Variants in PCDHA10 observed in about 807,000 individuals in gnomAD.
PCDHA10 encodes protocadherin alpha-10.
Under a neutral mutation model 61.2 loss-of-function variants are expected in PCDHA10, and 45 were observed. That is an observed-to-expected ratio of 0.74 (90% confidence interval 0.58 to 0.94). The LOEUF (loss-of-function observed/expected upper bound fraction) is 0.94, where lower values mean the gene tolerates loss of function less well. PCDHA10 is among the 40% of genes least tolerant of loss of function. The pLI, the probability that PCDHA10 is intolerant of heterozygous loss-of-function variation, is 0.00. For missense variants in PCDHA10, 1,278 were observed against 1,236.2 expected (o/e 1.03, Z -0.51); for synonymous variants, 602 against 548.8 (o/e 1.10, Z -1.35).
At chr5:140,875,373 A>G in intron 1 of PCDHA10, 7 of 1,454,810 alleles carry the variant, frequency 4.8e-6, no homozygotes, top group Non-Finnish European at 6.3e-6. Flanking sequence ...AAAATTTACT[A>G]AATATGTACT....
chr5:140,884,579 G>A (rs1035826331), intron 1 of PCDHA10: 5 of 1,614,058 alleles, frequency 3.1e-6, no homozygotes, highest in Admixed American at 1.7e-5. Flanking sequence ...GGACCTCATG[G>A]CCTTCAGTCC....
At chr5:140,937,718 C>T (rs538350541) in intron 1 of PCDHA10, among the ~76,000 whole-genome samples, 1 of 152,076 alleles carries the variant, frequency 6.6e-6, no homozygotes, top group South Asian at 2.1e-4. Context: ...CAAGACCATC[C>T]TGGCTAACAC....
At chr5:140,887,130 T>C (rs1164233833) in intron 1 of PCDHA10, among the ~76,000 whole-genome samples, 1 of 151,716 alleles carries the variant, frequency 6.6e-6, no homozygotes, top group African/African-American at 2.4e-5. Context: ...GGAGTCTCAC[T>C]CTGTCGCCCA....
chr5:140,943,640 A>G (rs1288085106), intron 1 of PCDHA10, among the ~76,000 whole-genome samples: 1 of 152,224 alleles, frequency 6.6e-6, no homozygotes, highest in African/African-American at 2.4e-5. Context: ...TGGATTATGG[A>G]TAAAACCATC....
At chr5:140,888,870 A>G (rs2062015576) in intron 1 of PCDHA10, among the ~76,000 whole-genome samples, 1 of 152,158 alleles carries the variant, frequency 6.6e-6, no homozygotes, top group Non-Finnish European at 1.5e-5. Flanking sequence ...ATGTCTCAAC[A>G]TAAAAATTAA....
intron 1 of PCDHA10, chr5:140,928,374 C>T (rs782659188): frequency 6.2e-7 from 1 of 1,614,172 alleles, no homozygotes; most frequent in Non-Finnish European, 8.5e-7. Flanking sequence ...GGCCATCAGC[C>T]TCTAGCTTGC....
chr5:141,006,872 G>T (rs1211849672), intron 3 of PCDHA10, among the ~76,000 whole-genome samples: 1 of 152,144 alleles, frequency 6.6e-6, no homozygotes, highest in Non-Finnish European at 1.5e-5. Flanking sequence ...ATAGATTCGA[G>T]GAATCAAGAG....
rs189065461 is a variant in PCDHA10, at chr5:140,869,908, C to A, written c.2388+11472C>A. ...TGTGCTCAAACTAAACGCCACAGACCGAGACGAAGGAGTCAATGGAGAGGT... is the reference window on the plus strand; with the variant it reads ...TGTGCTCAAACTAAACGCCACAGACAGAGACGAAGGAGTCAATGGAGAGGT... On this transcript the variant is annotated intron_variant, in intron 1 of 3. Coordinates refer to ENST00000307360, the MANE Select transcript of PCDHA10 (RefSeq NM_018901.4). 6.2e-6 allele frequency: 10 copies of A among 1,610,646 alleles called. No homozygotes were observed. In the Admixed American group the frequency reaches 6.7e-5, roughly 11 times the overall value.
chr5:140,868,327 T>C (rs1554161889), intron 1 of PCDHA10: 1 of 152,138 alleles, frequency 6.6e-6, no homozygotes, highest in Non-Finnish European at 1.5e-5. Context: ...CTGCAATGAA[T>C]ATAAAGTCAC....
chr5:140,857,915 G>C lies in PCDHA10; in HGVS notation c.1867G>C (p.Val623Leu). Residue 623 changes from valine (V) to leucine (L), a missense_variant, in exon 1 of 4, where the codon GTG becomes CTG. Physicochemically the swap from Val to Leu is conservative, Grantham distance 32. Coordinates refer to ENST00000307360, the MANE Select transcript of PCDHA10 (RefSeq NM_018901.4). ...AAVGARIPFR[V>L]GLYTGEISTT... Reference sequence around the variant, plus strand: ...GGTTGGTGCACGCATCCCGTTTCGCGTGGGGCTGTACACGGGCGAGATCAG... The same window carrying C: ...GGTTGGTGCACGCATCCCGTTTCGCCTGGGGCTGTACACGGGCGAGATCAG... The C allele has an allele frequency of 2.5e-6, 4 of 1,597,912 alleles. No individual in the cohort carries two copies. Among genetic ancestry groups the C allele is most frequent in the Non-Finnish European group, 3.4e-6 (4 of 1,167,584 alleles).
At chr5:140,884,496 G>T (rs782182672) in intron 1 of PCDHA10, 1 of 1,614,094 alleles carries the variant, frequency 6.2e-7, no homozygotes, top group Non-Finnish European at 8.5e-7. Flanking sequence ...GTGTGCTCCA[G>T]CGCGGCAGGG....
Position 140,982,348 on chromosome 5 carries a change from T to C in PCDHA10, c.2448-127T>C, listed in dbSNP as rs1253085859. 9 of 1,495,962 alleles carry C rather than the reference T, an allele frequency of 6.0e-6. No homozygotes were observed. The Admixed American group carries it at 1.7e-4, about 28-fold the overall frequency. 92.7% of individuals were successfully genotyped at this position (1,495,962 alleles called of 1,614,324 possible). On this transcript the variant is annotated intron_variant, in intron 2 of 3. Transcript: ENST00000307360. Reference sequence around the variant, plus strand: ...ACTGCTCAGCAGTAATTGCTTCAGTTCAAGCATGAGCAGAATGTGTTAGCT... The same window carrying C: ...ACTGCTCAGCAGTAATTGCTTCAGTCCAAGCATGAGCAGAATGTGTTAGCT...
chr5:140,977,247 A>G (rs528974727), intron 1 of PCDHA10, among the ~76,000 whole-genome samples: 1 of 152,336 alleles, frequency 6.6e-6, no homozygotes, highest in African/African-American at 2.4e-5. Context: ...AATTGGCAAC[A>G]TTTCTCAGCA....
chr5:140,982,153 C>T (rs990862287), intron 2 of PCDHA10, among the ~76,000 whole-genome samples: 1 of 152,162 alleles, frequency 6.6e-6, no homozygotes, highest in Non-Finnish European at 1.5e-5. Flanking sequence ...GCTTCAGTAT[C>T]GAGATGTTAA....
chr5:140,927,226 A>G, intron 1 of PCDHA10: 4 of 1,613,996 alleles, frequency 2.5e-6, no homozygotes, highest in Non-Finnish European at 3.4e-6. Context: ...CAAGATTCGG[A>G]TTCACGTCCT....
rs199814121 is a variant in PCDHA10, at chr5:140,884,467, G to T, written c.2388+26031G>T. 3.9e-5 allele frequency: 63 copies of T among 1,613,778 alleles called. No individual in the cohort carries two copies. In the East Asian group the frequency reaches 1.3e-3, roughly 33 times the overall value. The stretch of plus-strand genomic sequence containing the variant: ...CACCGCCCACCGAGGGCGCGTGCGC[G>T]CCGGGCAAGCCCACTCTAGTGTGCT... On this transcript the variant is annotated intron_variant, in intron 1 of 3. Transcript: ENST00000307360.
In PCDHA10 at chr5:140,993,861, T is replaced by G. The variant is rs143253452; in HGVS notation, c.2536+11298T>G. 3.2e-4 allele frequency among the ~76,000 whole-genome samples: 49 copies of G among 152,356 alleles called. No homozygotes were observed. In the East Asian group the frequency reaches 9.4e-3, roughly 29 times the overall value. On this transcript the variant is annotated intron_variant, in intron 3 of 3. Transcript: ENST00000307360. ...TAGGTATGTAGTAGGCTATGCCATC[T>G]AGGTTTGTGTAAGTACGCTCTATGA... is the stretch of plus-strand genomic sequence containing the variant.
rs1554228541 is a variant in PCDHA10 at position 140,966,673 on chromosome 5, T to C, written c.2389-12276T>C. 2.3e-6 allele frequency: 3 copies of C among 1,290,056 alleles called. No homozygotes were observed. The African/African-American group carries it at 4.7e-5, about 20-fold the overall frequency. The allele number at this position is 1,290,056 out of a possible 1,614,324, so 79.9% of individuals were successfully genotyped here. A position where few individuals can be genotyped will look rare whatever the true frequency, so the allele number is the denominator to read the frequency against. On this transcript the variant is annotated intron_variant, in intron 1 of 3. Coordinates refer to ENST00000307360, the MANE Select transcript of PCDHA10 (RefSeq NM_018901.4). ...GAGCGGTGGGGGAGCAGGCGCAGGG[T>C]GGCACGAGCGGAGGCGGGGCCCGGG...
chr5:140,870,792 A>G (rs782032105), intron 1 of PCDHA10: 5 of 1,613,658 alleles, frequency 3.1e-6, no homozygotes, highest in East Asian at 2.2e-5. Flanking sequence ...ACGCGCCGGC[A>G]CTGCTGGCGA....
Sources: gnomAD v4.1 joint callset for allele counts (sites outside exome capture counted in the v4.1 genomes callset) on GRCh38, gnomAD v4.1.1 for gene constraint, MANE v1.5 for transcripts, NCBI Gene and HGNC (gene_info 2026-07-23, HGNC 2026-07-21) for gene names.